GPC5: variants seen among roughly 807,000 people sequenced by gnomAD.
GPC5 encodes glypican-5.
In GPC5, 47 loss-of-function variants were observed where a neutral mutation model predicts 53.9. That is an observed-to-expected ratio of 0.87 (90% CI 0.69 to 1.11). The LOEUF (loss-of-function observed/expected upper bound fraction) is 1.11, where lower values mean the gene tolerates loss of function less well. Among genes scored for constraint, GPC5 ranks in the 50% most tolerant of loss-of-function variants. The pLI is 0.00. For missense variants in GPC5, 748 were observed against 713.1 expected (o/e 1.05, Z -0.56); for synonymous variants, 286 against 263.3 (o/e 1.09, Z -0.84).
chr13:91,492,926 C>G, intron 2 of GPC5, among the ~76,000 whole-genome samples: 1 of 152,192 alleles, frequency 6.6e-6, no homozygotes, highest in South Asian at 2.1e-4. Flanking sequence ...AACCTGCTAT[C>G]GTCACCACCT....
At chr13:91,813,567 G>A (rs951839177) in intron 5 of GPC5, among the ~76,000 whole-genome samples, 3 of 152,176 alleles carry the variant, frequency 2.0e-5, no homozygotes, top group African/African-American at 7.2e-5. Flanking sequence ...GCAGAAACCA[G>A]GATGATCAAT....
intron 7 of GPC5, among the ~76,000 whole-genome samples, chr13:92,744,884 A>G (rs896523184): frequency 4.6e-5 from 7 of 152,038 alleles, no homozygotes; most frequent in Admixed American, 6.6e-5. Context: ...AGAGATACCC[A>G]TTCCACTGTA....
In GPC5 at chr13:91,957,812, C is replaced by T. The variant is rs543529410; in HGVS notation, c.1401+49755C>T. Among the ~76,000 whole-genome samples, 3 of 152,054 alleles carry T rather than the reference C, an allele frequency of 2.0e-5. No homozygotes were observed. In the South Asian group the frequency reaches 6.2e-4, roughly 32 times the overall value. Reference sequence around the variant, plus strand: ...TTTAAGGGAGTCCCACACCTGGAAGCAGGAGGATGATATCTACCATCATAA... The same window carrying T: ...TTTAAGGGAGTCCCACACCTGGAAGTAGGAGGATGATATCTACCATCATAA... On this transcript the variant is annotated intron_variant, in intron 6 of 7. Transcript: ENST00000377067.
At chr13:91,517,027 T>C (rs981102763) in intron 2 of GPC5, among the ~76,000 whole-genome samples, 1 of 152,234 alleles carries the variant, frequency 6.6e-6, no homozygotes, top group East Asian at 1.9e-4. Flanking sequence ...GAAACCATTT[T>C]TTCTTCCTGG....
At chr13:91,422,156 A>T (rs1418152965) in intron 1 of GPC5, among the ~76,000 whole-genome samples, 1 of 152,212 alleles carries the variant, frequency 6.6e-6, no homozygotes, top group African/African-American at 2.4e-5. Flanking sequence ...AAACCTACAA[A>T]TTCTGACAAA....
At chr13:92,428,911 C>G (rs1876960705) in intron 7 of GPC5, among the ~76,000 whole-genome samples, 1 of 152,046 alleles carries the variant, frequency 6.6e-6, no homozygotes, top group Non-Finnish European at 1.5e-5. Flanking sequence ...CAATTTCCCT[C>G]CACATGTAAA....
chr13:91,589,614 G>A (rs779658572), intron 2 of GPC5, among the ~76,000 whole-genome samples: 49 of 152,194 alleles, frequency 3.2e-4, no homozygotes, highest in Non-Finnish European at 6.2e-4. Flanking sequence ...TTCCCCCAAT[G>A]AGCAAAAAGT....
intron 4 of GPC5, among the ~76,000 whole-genome samples, chr13:91,755,476 A>G (rs1027029198): frequency 6.6e-6 from 1 of 152,124 alleles, no homozygotes; most frequent in African/African-American, 2.4e-5. Context: ...AAAAAATCAT[A>G]ATGAAGGCCT....
chr13:92,231,353 T>C (rs2042528886), intron 7 of GPC5, among the ~76,000 whole-genome samples: 1 of 152,070 alleles, frequency 6.6e-6, no homozygotes, highest in East Asian at 1.9e-4. Context: ...ATTCCAAGGG[T>C]GAGATAATCA....
At chr13:91,815,529 T>G (rs1288999627) in intron 5 of GPC5, among the ~76,000 whole-genome samples, 1 of 152,222 alleles carries the variant, frequency 6.6e-6, no homozygotes, top group Non-Finnish European at 1.5e-5. Context: ...TGATAGTCAG[T>G]GTGCTGCTCC....
At chr13:92,781,739 A>G (rs952935933) in intron 7 of GPC5, among the ~76,000 whole-genome samples, 3 of 152,154 alleles carry the variant, frequency 2.0e-5, no homozygotes, top group Admixed American at 1.3e-4. Flanking sequence ...CTTTACTCAA[A>G]TGTTTGTTTA....
intron 5 of GPC5, among the ~76,000 whole-genome samples, chr13:91,783,867 A>T (rs569054086): frequency 1.9e-3 from 289 of 152,352 alleles, no homozygotes; most frequent in African/African-American, 6.6e-3. Context: ...AATGCCATCA[A>T]ATCAAATGCT....
intron 6 of GPC5, among the ~76,000 whole-genome samples, chr13:91,961,435 A>T (rs543257484): frequency 2.0e-5 from 3 of 151,968 alleles, no homozygotes; most frequent in Non-Finnish European, 2.9e-5. Flanking sequence ...GACAATACCA[A>T]CTGTCATAGT....
chr13:91,501,730 G>A (rs1884649072), intron 2 of GPC5, among the ~76,000 whole-genome samples: 1 of 152,156 alleles, frequency 6.6e-6, no homozygotes, highest in Admixed American at 6.5e-5. Flanking sequence ...CTTTATAGCA[G>A]CATGATTTAT....
chr13:91,641,400 G>A (rs1034550623), intron 2 of GPC5, among the ~76,000 whole-genome samples: 5 of 152,100 alleles, frequency 3.3e-5, no homozygotes, highest in African/African-American at 1.2e-4. Context: ...TTTATAAGTG[G>A]GAGCTAAACA....
intron 7 of GPC5, among the ~76,000 whole-genome samples, chr13:92,453,176 T>C (rs930184910): frequency 1.1e-4 from 17 of 152,204 alleles, no homozygotes; most frequent in African/African-American, 3.4e-4. Context: ...ACATGTAAAA[T>C]GTCCTGAAAA....
At chr13:91,626,961 T>G (rs1304542313) in intron 2 of GPC5, among the ~76,000 whole-genome samples, 5 of 143,452 alleles carry the variant, frequency 3.5e-5, no homozygotes, top group African/African-American at 1.3e-4. Flanking sequence ...AGAATGATGG[T>G]TTCCAGCTTC....
intron 7 of GPC5, among the ~76,000 whole-genome samples, chr13:92,375,002 G>A (rs560472479): frequency 9.9e-5 from 15 of 152,086 alleles, no homozygotes; most frequent in Non-Finnish European, 1.5e-4. Context: ...CCAGATTTAA[G>A]GATATAATAC....
intron 7 of GPC5, among the ~76,000 whole-genome samples, chr13:92,355,775 A>G (rs1483756573): frequency 2.6e-5 from 4 of 151,904 alleles, no homozygotes; most frequent in Non-Finnish European, 5.9e-5. Flanking sequence ...CCAAATTTCA[A>G]TTTCAAGCAC....
Sources: allele counts gnomAD v4.1 joint callset (sites outside exome capture counted in the v4.1 genomes callset), GRCh38; gene constraint gnomAD v4.1.1; transcripts MANE v1.5; gene names NCBI Gene and HGNC (gene_info 2026-07-23, HGNC 2026-07-21).